The following PHACTR2 variants were observed in gnomAD, a reference collection of about 807,000 sequenced individuals.
PHACTR2 encodes the protein phosphatase and actin regulator 2.
In PHACTR2, 30 loss-of-function variants were observed where a neutral mutation model predicts 76.0. That is an observed-to-expected ratio of 0.39 (90% confidence interval 0.30 to 0.54). The LOEUF (loss-of-function observed/expected upper bound fraction) is 0.54, where lower values mean the gene tolerates loss of function less well. PHACTR2 is among the 20% of genes least tolerant of loss of function. The pLI is 0.61. For synonymous variants in PHACTR2, 292 were observed against 292.5 expected, an observed-to-expected ratio of 1.00 and a Z score of 0.02; for missense variants, 696 against 781.1, an observed-to-expected ratio of 0.89 and a Z score of 1.30.
At chr6:143,817,860 A>G (rs1004554911) in intron 12 of PHACTR2, among the ~76,000 whole-genome samples, 1 of 152,208 alleles carries the variant, frequency 6.6e-6, no homozygotes, top group Non-Finnish European at 1.5e-5. Flanking sequence ...AGGGTAGGGG[A>G]AAGGAGATAG....
intron 1 of PHACTR2, among the ~76,000 whole-genome samples, chr6:143,661,038 A>G (rs1385738366): frequency 1.3e-5 from 2 of 152,212 alleles, no homozygotes; most frequent in African/African-American, 4.8e-5. Flanking sequence ...TCAAATGGCA[A>G]TATCAGTTTT....
intron 1 of PHACTR2, among the ~76,000 whole-genome samples, chr6:143,600,671 C>A (rs1270056894): frequency 6.6e-6 from 1 of 152,206 alleles, no homozygotes; most frequent in Non-Finnish European, 1.5e-5. Flanking sequence ...CTTTTACAGG[C>A]AGTAATTCTA....
At chr6:143,564,719 G>A (rs534873757) in intron 1 of PHACTR2, among the ~76,000 whole-genome samples, 3 of 152,282 alleles carry the variant, frequency 2.0e-5, no homozygotes, top group South Asian at 2.1e-4. Flanking sequence ...CTGATCGGAC[G>A]GCAGTTCTCG....
chr6:143,820,037 A>G lies in PHACTR2; in HGVS notation c.1923-3637A>G, dbSNP rs1776379582. Reference sequence around the variant, plus strand: ...ATGGCAAGAATGGGAGAAAGAGTGGAGGAGAAGTGCCCCACACTTTTAAAC... The same window carrying G: ...ATGGCAAGAATGGGAGAAAGAGTGGGGGAGAAGTGCCCCACACTTTTAAAC... On this transcript the variant is annotated intron_variant, in intron 12 of 12. Transcript: ENST00000440869. This position sits in a 1 kb window ranked among gnomAD's most constrained non-coding sequence, Gnocchi z 4.2. Among the ~76,000 whole-genome samples the G allele has an allele frequency of 6.6e-6, 1 of 152,088 alleles. No individual in the cohort carries two copies. Among genetic ancestry groups the G allele is most frequent in the South Asian group, 2.1e-4 (1 of 4,828 alleles).
Position 143,820,426 on chromosome 6 carries a change from C to T in PHACTR2, c.1923-3248C>T, listed in dbSNP as rs763069431. Among the ~76,000 whole-genome samples the T allele has an allele frequency of 4.6e-5, 7 of 152,096 alleles. No individual in the cohort carries two copies. Among genetic ancestry groups the T allele is most frequent in the African/African-American group, 4.8e-5 (2 of 41,408 alleles). On this transcript the variant is annotated intron_variant, in intron 12 of 12. Coordinates refer to ENST00000440869, the MANE Select transcript of PHACTR2 (RefSeq NM_001100164.2). This position sits in a 1 kb window ranked among gnomAD's most constrained non-coding sequence, Gnocchi z 4.2. ...ATGGTGGAGATCTATACTGGGTAAA[C>T]ATTCCCGTTCCCAAAGGGAGAAATC...
At chr6:143,711,974 CT>C in intron 1 of PHACTR2, 41 bp from the exon 2 acceptor site, 1 of 1,586,332 alleles carries the variant, frequency 6.3e-7, no homozygotes. Context: ...TTATTACAAC[CT>C]TTTTTACAAC....
rs1037331419 is a variant in PHACTR2, at chr6:143,794,168, G to A, written c.1845+5258G>A. Among the ~76,000 whole-genome samples, 5 of 151,750 alleles carry A rather than the reference G, an allele frequency of 3.3e-5. No individual in the cohort carries two copies. The highest frequency in any genetic ancestry group is 5.9e-5 in the Non-Finnish European group (4 of 67,914). On this transcript the variant is annotated intron_variant, in intron 11 of 12. Transcript: ENST00000440869. The surrounding 1 kb of genome is among the most constrained non-coding windows in gnomAD (Gnocchi z 4.1). Reference sequence around the variant, plus strand: ...GTTCCCTCTAGTTGTTAAAAGATAAGTGTGATGAAATAGTACAATATTATT... The same window carrying A: ...GTTCCCTCTAGTTGTTAAAAGATAAATGTGATGAAATAGTACAATATTATT...
At chr6:143,796,383 CTT>C (rs989448694) in intron 11 of PHACTR2, among the ~76,000 whole-genome samples, 339 of 26,776 alleles carry the variant, frequency 0.013, 2 homozygotes, top group African/African-American at 0.039. Context: ...TTTTTCTTTT[CTT>C]TCTTTCTTTC....
rs887595800 is a variant in PHACTR2, at chr6:143,695,418, C to T, written c.47-16598C>T. ...AAGTTGAGAACAGAACACTTGGATC[C>T]AAGACCCTATTTCAGATTCAACATT... On this transcript the variant is annotated intron_variant, in intron 1 of 12. Transcript: ENST00000440869. The surrounding 1 kb of genome is among the most constrained non-coding windows in gnomAD (Gnocchi z 4.4). Among the ~76,000 whole-genome samples, 3 of 152,184 alleles carry T rather than the reference C, an allele frequency of 2.0e-5. No individual in the cohort carries two copies. Among genetic ancestry groups the T allele is most frequent in the Non-Finnish European group, 4.4e-5 (3 of 68,032 alleles).
At chr6:143,785,499 G>T (rs949028080) in intron 10 of PHACTR2, among the ~76,000 whole-genome samples, 1 of 152,112 alleles carries the variant, frequency 6.6e-6, no homozygotes, top group Admixed American at 6.5e-5. Context: ...GCATGCTGTT[G>T]GTGGATCTAC....
At chr6:143,717,617 G>A (rs1307611610) in intron 2 of PHACTR2, among the ~76,000 whole-genome samples, 1 of 151,582 alleles carries the variant, frequency 6.6e-6, no homozygotes, top group Non-Finnish European at 1.5e-5. Context: ...GTTCCCCCAG[G>A]CTGGAGTGCA....
At position 143,780,385 on chromosome 6, in the gene PHACTR2, G is replaced by A. The variant is rs1034722120; in HGVS notation, c.1646-2834G>A. 2.0e-5 allele frequency among the ~76,000 whole-genome samples: 3 copies of A among 152,164 alleles called. No individual in the cohort carries two copies. The highest frequency in any genetic ancestry group is 2.9e-5 in the Non-Finnish European group (2 of 68,042). On this transcript the variant is annotated intron_variant, in intron 9 of 12. Coordinates refer to ENST00000440869, the MANE Select transcript of PHACTR2 (RefSeq NM_001100164.2). This position sits in a 1 kb window ranked among gnomAD's most constrained non-coding sequence, Gnocchi z 4.4. ...CCAAAGCCTTGTGAGGCCAAGGCAGGAGAATTGCTTGATGCCAGGAGTTTG... is the reference window on the plus strand; with the variant it reads ...CCAAAGCCTTGTGAGGCCAAGGCAGAAGAATTGCTTGATGCCAGGAGTTTG...
At chr6:143,573,628 A>C (rs1775473375) in intron 1 of PHACTR2, among the ~76,000 whole-genome samples, 1 of 151,742 alleles carries the variant, frequency 6.6e-6, no homozygotes, top group African/African-American at 2.4e-5. Context: ...AGCTTGGAAA[A>C]GTTTCTGTTG....
At chr6:143,615,917 T>C (rs1448324122) in intron 1 of PHACTR2, among the ~76,000 whole-genome samples, 3 of 152,206 alleles carry the variant, frequency 2.0e-5, no homozygotes, top group Non-Finnish European at 4.4e-5. Context: ...CATGACTCTT[T>C]CCAAACTCTG....
intron 4 of PHACTR2, among the ~76,000 whole-genome samples, chr6:143,756,550 T>A (rs1448364310): frequency 6.7e-6 from 1 of 149,984 alleles, no homozygotes. Flanking sequence ...AAAAAAAAAA[T>A]TAGCCGGGCG....
intron 1 of PHACTR2, among the ~76,000 whole-genome samples, chr6:143,622,544 C>T (rs1324368479): frequency 6.6e-6 from 1 of 152,162 alleles, no homozygotes; most frequent in Non-Finnish European, 1.5e-5. Context: ...CCATTGTTAC[C>T]AAGCTACAGA....
Position 143,757,168 on chromosome 6 carries a change from T to G in PHACTR2, c.455-3233T>G, listed in dbSNP as rs1440229974. Among the ~76,000 whole-genome samples the G allele has an allele frequency of 6.6e-6, 1 of 152,246 alleles. No homozygotes were observed. The highest frequency in any genetic ancestry group is 1.5e-5 in the Non-Finnish European group (1 of 68,050). ...AATGAAATAACAAGTGATGAACACT[T>G]ATTTGTTCCACAAATAATGAAAGTC... On this transcript the variant is annotated intron_variant, in intron 4 of 12. Transcript: ENST00000440869. The surrounding 1 kb of genome is among the most constrained non-coding windows in gnomAD (Gnocchi z 4.2).
At position 143,744,729 on chromosome 6, in the gene PHACTR2, G is replaced by A. The variant is rs190558401; in HGVS notation, c.215-4256G>A. Among the ~76,000 whole-genome samples, 11 of 152,322 alleles carry A rather than the reference G, an allele frequency of 7.2e-5. No individual in the cohort carries two copies. In the East Asian group the frequency reaches 9.7e-4, roughly 13 times the overall value. On this transcript the variant is annotated intron_variant, in intron 2 of 12. Coordinates refer to ENST00000440869, the MANE Select transcript of PHACTR2 (RefSeq NM_001100164.2). ...GAGGCGGGACAGCCTAAGGGGCTGCGGTGAGTTCAGGGATTGTTGGAAGTA... is the reference window on the plus strand; with the variant it reads ...GAGGCGGGACAGCCTAAGGGGCTGCAGTGAGTTCAGGGATTGTTGGAAGTA...
chr6:143,814,610 T>C (rs1317203586), intron 12 of PHACTR2, among the ~76,000 whole-genome samples: 1 of 149,394 alleles, frequency 6.7e-6, no homozygotes, highest in Non-Finnish European at 1.5e-5. Flanking sequence ...TTTTTTTTTT[T>C]TTTTTTTTTT....
Sources: gnomAD v4.1 joint callset for allele counts (sites outside exome capture counted in the v4.1 genomes callset) on GRCh38, gnomAD v4.1.1 for gene constraint, Gnocchi (gnomAD v3.1) non-coding constraint, MANE v1.5 for transcripts, NCBI Gene and HGNC (gene_info 2026-07-23, HGNC 2026-07-21) for gene names.